Variants in HHLA2 observed in about 807,000 individuals in gnomAD.
HHLA2 encodes HERV-H LTR-associating protein 2.
Under a neutral mutation model 45.9 loss-of-function variants are expected in HHLA2, and 48 were observed. The observed-to-expected ratio is 1.05, with a 90% CI of 0.83 to 1.33. The LOEUF (loss-of-function observed/expected upper bound fraction) is 1.33, where lower values mean the gene tolerates loss of function less well. Ranked by LOEUF, HHLA2 falls within the 40% of genes most tolerant of loss-of-function variation. The probability of loss-of-function intolerance (pLI) is 0.00; values close to 1 mark genes in which losing one functional copy is unlikely to be tolerated. For synonymous variants in HHLA2, 161 were observed against 173.9 expected (o/e 0.93, Z 0.59); for missense variants, 462 against 494.3 (o/e 0.93, Z 0.62).
At chr3:108,310,100 A>C (rs1426438139) in intron 1 of HHLA2, among the ~76,000 whole-genome samples, 1 of 152,050 alleles carries the variant, frequency 6.6e-6, no homozygotes, top group Non-Finnish European at 1.5e-5. Flanking sequence ...ACATACCCCT[A>C]CTTTTTAAAA....
chr3:108,308,364 A>C (rs1176168413), intron 1 of HHLA2, among the ~76,000 whole-genome samples: 2 of 152,222 alleles, frequency 1.3e-5, no homozygotes, highest in African/African-American at 4.8e-5. Flanking sequence ...ATGGCTGAAT[A>C]GTTACTCCAT....
At chr3:108,361,939 T>C (rs537115680) in intron 7 of HHLA2, among the ~76,000 whole-genome samples, 1 of 152,296 alleles carries the variant, frequency 6.6e-6, no homozygotes, top group African/African-American at 2.4e-5. Flanking sequence ...TATTCCTTTA[T>C]AAAAATGTGT....
chr3:108,356,963 C>G (rs1484293437), intron 6 of HHLA2, among the ~76,000 whole-genome samples: 2 of 152,054 alleles, frequency 1.3e-5, no homozygotes, highest in Non-Finnish European at 1.5e-5. Context: ...GTAAAAAGCA[C>G]AGAAAAGTAA....
At chr3:108,338,113 A>G (rs1361671665) in intron 3 of HHLA2, among the ~76,000 whole-genome samples, 1 of 151,894 alleles carries the variant, frequency 6.6e-6, no homozygotes, top group Non-Finnish European at 1.5e-5. Flanking sequence ...CTGTCTATAT[A>G]TATAGAAATA....
chr3:108,349,025 T>C (rs2081725451), intron 3 of HHLA2, among the ~76,000 whole-genome samples: 1 of 152,158 alleles, frequency 6.6e-6, no homozygotes, highest in South Asian at 2.1e-4. Flanking sequence ...ATTTTCTTTA[T>C]ACAGTCTATC....
chr3:108,356,269 A>G (rs2081890343), intron 6 of HHLA2, among the ~76,000 whole-genome samples: 1 of 152,012 alleles, frequency 6.6e-6, no homozygotes, highest in African/African-American at 2.4e-5. Context: ...TGACCTCGTG[A>G]TCCACCCATA....
intron 3 of HHLA2, among the ~76,000 whole-genome samples, chr3:108,345,005 A>G (rs2081637767): frequency 6.6e-6 from 1 of 152,182 alleles, no homozygotes; most frequent in Non-Finnish European, 1.5e-5. Flanking sequence ...TGTAATGTGG[A>G]TTCCTATTCA....
At chr3:108,378,011 C>T (rs2082304343) in exon 11 of HHLA2, 2 of 152,276 alleles carry the variant, frequency 1.3e-5, no homozygotes, top group South Asian at 4.1e-4. Flanking sequence ...GTTCCTGCCC[C>T]ACCCTAACTG....
At chr3:108,376,375 T>C in intron 9 of HHLA2, 118 bp from the exon 9 acceptor site, 1 of 708,072 alleles carries the variant, frequency 1.4e-6, no homozygotes. Context: ...TTGTTAAAGA[T>C]ATGCAGGGAG....
At chr3:108,312,863 G>A (rs1445726011) in intron 2 of HHLA2, among the ~76,000 whole-genome samples, 8 of 152,158 alleles carry the variant, frequency 5.3e-5, no homozygotes, top group Admixed American at 5.2e-4. Flanking sequence ...AGAGGGAATG[G>A]AGAAAATCTG....
intron 1 of HHLA2, among the ~76,000 whole-genome samples, chr3:108,308,876 G>T (rs145156321): frequency 6.6e-6 from 1 of 152,046 alleles, no homozygotes; most frequent in Non-Finnish European, 1.5e-5. Context: ...TTCCTATAGA[G>T]TTATTTGAGC....
intron 3 of HHLA2, among the ~76,000 whole-genome samples, chr3:108,344,126 C>G (rs918983459): frequency 7.6e-6 from 1 of 131,888 alleles, no homozygotes; most frequent in Non-Finnish European, 1.6e-5. Flanking sequence ...ACATAAAAGT[C>G]CACTCATTTT....
chr3:108,314,553 G>C (rs894517003), intron 2 of HHLA2, among the ~76,000 whole-genome samples: 2 of 152,194 alleles, frequency 1.3e-5, no homozygotes, highest in South Asian at 2.1e-4. Context: ...GGCTGGGCCT[G>C]GCCACACCAT....
intron 3 of HHLA2, among the ~76,000 whole-genome samples, chr3:108,330,379 C>G (rs765864944): frequency 6.6e-6 from 1 of 152,124 alleles, no homozygotes; most frequent in Non-Finnish European, 1.5e-5. Flanking sequence ...AATTCTCTCC[C>G]TTTTAATGTG....
intron 3 of HHLA2, among the ~76,000 whole-genome samples, chr3:108,349,709 A>G (rs1325179799): frequency 1.3e-5 from 2 of 152,222 alleles, no homozygotes; most frequent in Non-Finnish European, 2.9e-5. Context: ...TTGGCCTTGG[A>G]TAAGAGCAGA....
intron 1 of HHLA2, among the ~76,000 whole-genome samples, chr3:108,297,718 T>G (rs1182099087): frequency 6.6e-6 from 1 of 152,202 alleles, no homozygotes; most frequent in Non-Finnish European, 1.5e-5. Context: ...CTGCCTACTT[T>G]TGGCGTGTGG....
chr3:108,375,825 G>C (rs1480056166), intron 9 of HHLA2, 25 bp downstream of exon 8: 3 of 1,607,434 alleles, frequency 1.9e-6, no homozygotes, highest in Non-Finnish European at 2.6e-6. Flanking sequence ...TCTGAGAGAA[G>C]AATGGATTCT....
At chr3:108,317,635 C>G (rs1333923502) in intron 2 of HHLA2, among the ~76,000 whole-genome samples, 2 of 148,814 alleles carry the variant, frequency 1.3e-5, no homozygotes, top group African/African-American at 2.5e-5. Context: ...AGTGCAGTGG[C>G]ACGTTCTTGG....
chr3:108,334,608 G>A (rs2081440925), intron 3 of HHLA2, among the ~76,000 whole-genome samples: 1 of 152,162 alleles, frequency 6.6e-6, no homozygotes, highest in Admixed American at 6.6e-5. Context: ...AGAGACAAAT[G>A]TTTTAATTAT....
Sources: gnomAD v4.1 joint callset for allele counts (sites outside exome capture counted in the v4.1 genomes callset) on GRCh38, gnomAD v4.1.1 for gene constraint, MANE v1.5 for transcripts, NCBI Gene and HGNC (gene_info 2026-07-23, HGNC 2026-07-21) for gene names.